RAD51D: variants seen among roughly 807,000 people sequenced by gnomAD.
RAD51D encodes DNA repair protein RAD51 homolog 4.
Under a neutral mutation model 44.1 loss-of-function variants are expected in RAD51D, and 38 were observed. The observed-to-expected ratio is 0.86, with a 90% CI of 0.67 to 1.13. The LOEUF is 1.13. Ranked by LOEUF, RAD51D falls within the 50% of genes most tolerant of loss-of-function variation. The pLI is 0.00. For synonymous variants in RAD51D, 141 were observed against 166.6 expected, an observed-to-expected ratio of 0.85 and a Z score of 1.18; for missense variants, 390 against 414.0, an observed-to-expected ratio of 0.94 and a Z score of 0.50.
chr17:35,119,694 C>G lies in RAD51D; in HGVS notation c.-81G>C. On this transcript the variant is annotated 5_prime_UTR_variant, in exon 1 of 10. Transcript: ENST00000345365. ...GGGGGGTCCTCTCCAGACGCCCCTC[C>G]CCTACCCCTTCCTAGAGAGGACACA... 2.1e-6 allele frequency: 3 copies of G among 1,408,166 alleles called. No individual in the cohort carries two copies. Among genetic ancestry groups the G allele is most frequent in the Non-Finnish European group, 3.0e-6 (3 of 1,006,372 alleles). The allele number at this position is 1,408,166 out of a possible 1,614,324, so 87.2% of individuals were successfully genotyped here.
rs75663205 is a variant in RAD51D at position 35,099,239 on chromosome 17, C to T, written c.*1714G>A. ...CTACATAATGGGAACAGGGCAGAGA[C>T]GGCAACCAGACTCCACCTTGAATAC... On this transcript the variant is annotated 3_prime_UTR_variant, in exon 10 of 10. Coordinates refer to ENST00000345365, the MANE Select transcript of RAD51D (RefSeq NM_002878.4). The T allele has an allele frequency of 0.024, 3,905 of 160,968 alleles. 170 individuals carry two copies. Among genetic ancestry groups the T allele is most frequent in the African/African-American group, 0.085 (3,536 of 41,560 alleles). 10.0% of individuals were successfully genotyped at this position (160,968 alleles called of 1,614,324 possible).
In RAD51D at chr17:35,116,790, G is replaced by A. The variant is rs571826259; in HGVS notation, c.263+1711C>T. ...ATCACAGGCGTGAGCCACTGCGCCC[G>A]GCCTAGAATGATGATTTAAACAGTA... On this transcript the variant is annotated intron_variant, in intron 3 of 9. Transcript: ENST00000345365. 372 of 1,270,600 alleles carry A rather than the reference G, an allele frequency of 2.9e-4. 3 individuals are homozygous for A. The highest frequency in any genetic ancestry group is 9.1e-4 in the East Asian group (36 of 39,570). The allele number at this position is 1,270,600 out of a possible 1,614,324, so 78.7% of individuals were successfully genotyped here.
chr17:35,109,898 C>T (rs1207484526), intron 3 of RAD51D, among the ~76,000 whole-genome samples: 1 of 150,384 alleles, frequency 6.6e-6, no homozygotes, highest in Non-Finnish European at 1.5e-5. Flanking sequence ...AACTCCCGAC[C>T]TCAGGTGATC....
intron 8 of RAD51D, among the ~76,000 whole-genome samples, chr17:35,102,127 C>A (rs2091546227): frequency 6.6e-6 from 1 of 151,982 alleles, no homozygotes; most frequent in African/African-American, 2.4e-5. Flanking sequence ...TCTAAAAAAT[C>A]TATTTTAAAA....
chr17:35,119,345 G>A, intron 1 of RAD51D, 173 bp from the exon 2 acceptor site: 1 of 893,632 alleles, frequency 1.1e-6, no homozygotes, highest in East Asian at 2.6e-5. Context: ...CACACAGTAG[G>A]AATCTCTACC....
At chr17:35,113,380 T>A (rs2091700539) in intron 3 of RAD51D, among the ~76,000 whole-genome samples, 1 of 152,214 alleles carries the variant, frequency 6.6e-6, no homozygotes, top group African/African-American at 2.4e-5. Flanking sequence ...ACAATTCTCC[T>A]GCCTCAGCCT....
In RAD51D at chr17:35,095,320, TA is replaced by T. The variant is rs1454077855; in HGVS notation, c.*5632del. On this transcript the variant is annotated 3_prime_UTR_variant, in exon 10 of 10. Transcript: ENST00000345365. ...CAACATGGTGAAACCCCATCTCTAC[TA>T]AAAATACAAAAAGAGCCGGGGATGG... 6.6e-6 allele frequency: 1 copy of T among 151,810 alleles called. No individual in the cohort carries two copies. Among genetic ancestry groups the T allele is most frequent in the Non-Finnish European group, 1.5e-5 (1 of 67,976 alleles). 9.4% of individuals were successfully genotyped at this position (151,810 alleles called of 1,614,324 possible).
chr17:35,100,833 G>A lies in RAD51D; in HGVS notation c.*120C>T, dbSNP rs752402824. On this transcript the variant is annotated 3_prime_UTR_variant, in exon 10 of 10. Transcript: ENST00000345365. ...CCAAGGAACCCAAGATGTCTCTTCT[G>A]GCCAGCCTGAGAACGTCTGTAGTCA... 1.2e-6 allele frequency: 1 copy of A among 844,438 alleles called. No individual in the cohort carries two copies. The highest frequency in any genetic ancestry group is 2.0e-6 in the Non-Finnish European group (1 of 493,472). 52.3% of individuals were successfully genotyped at this position (844,438 alleles called of 1,614,324 possible).
intron 3 of RAD51D, chr17:35,115,222 T>G: frequency 1.9e-6 from 1 of 513,000 alleles, no homozygotes; most frequent in Middle Eastern, 3.2e-4. Flanking sequence ...TGCCTTTCCC[T>G]CTGAACTGCC....
intron 2 of RAD51D, among the ~76,000 whole-genome samples, chr17:35,118,887 C>T (rs989786010): frequency 3.3e-5 from 5 of 152,158 alleles, no homozygotes; most frequent in African/African-American, 1.2e-4. Context: ...GGATTGTAGG[C>T]GTGGGCCACC....
In RAD51D at chr17:35,095,586, T is replaced by TC. The variant is rs1340755865; in HGVS notation, c.*5366dup. On this transcript the variant is annotated 3_prime_UTR_variant, in exon 10 of 10. Coordinates refer to ENST00000345365, the MANE Select transcript of RAD51D (RefSeq NM_002878.4). ...AGGCAGATCATCTGAGGTCAGGAGTTCGAGACCAGCCATGGCCAACATGAT... is the reference window on the plus strand; with the variant it reads ...AGGCAGATCATCTGAGGTCAGGAGTTCCGAGACCAGCCATGGCCAACATGAT... 6.6e-6 allele frequency: 1 copy of TC among 152,080 alleles called. No homozygotes were observed. Among genetic ancestry groups the TC allele is most frequent in the African/African-American group, 2.4e-5 (1 of 41,360 alleles). The allele number at this position is 152,080 out of a possible 1,614,324, so 9.4% of individuals were successfully genotyped here. A position where few individuals can be genotyped will look rare whatever the true frequency, so the allele number is the denominator to read the frequency against.
intron 6 of RAD51D, 58 bp downstream of exon 6, chr17:35,106,328 A>C: frequency 7.0e-7 from 1 of 1,429,258 alleles, no homozygotes; most frequent in Non-Finnish European, 9.9e-7. Context: ...ACACCTGCCC[A>C]CAGAGATAGC....
At chr17:35,105,402 C>T (rs2091588112) in intron 6 of RAD51D, among the ~76,000 whole-genome samples, 1 of 152,132 alleles carries the variant, frequency 6.6e-6, no homozygotes. Flanking sequence ...GCAATCCTCC[C>T]GTCTCAGCCT....
In RAD51D at chr17:35,093,393, A is replaced by G. The variant is rs1022565939; in HGVS notation, c.*7560T>C. 3.9e-5 allele frequency: 6 copies of G among 152,194 alleles called. No individual in the cohort carries two copies. The highest frequency in any genetic ancestry group is 8.8e-5 in the Non-Finnish European group (6 of 68,040). The allele number at this position is 152,194 out of a possible 1,614,324, so 9.4% of individuals were successfully genotyped here. A position where few individuals can be genotyped will look rare whatever the true frequency, so the allele number is the denominator to read the frequency against. On this transcript the variant is annotated 3_prime_UTR_variant, in exon 10 of 10. Transcript: ENST00000345365. The stretch of plus-strand genomic sequence containing the variant: ...GTCAGCACAGGCCCATTGTTTTCCT[A>G]CAAAACTCAAACTTAAGCTGAGGCT...
intron 3 of RAD51D, among the ~76,000 whole-genome samples, chr17:35,108,393 C>T (rs930066068): frequency 2.6e-5 from 4 of 150,990 alleles, no homozygotes; most frequent in Non-Finnish European, 5.9e-5. Flanking sequence ...TTGTACTAGC[C>T]AGGGGCCTGT....
intron 4 of RAD51D, 51 bp from the exon 5 acceptor site, chr17:35,107,173 G>C (rs377263299): frequency 1.2e-6 from 2 of 1,608,232 alleles, no homozygotes; most frequent in Non-Finnish European, 1.7e-6. Context: ...GGGTCCAGAT[G>C]GGAGCTCCCC....
Position 35,101,347 on chromosome 17 carries a change from G to T in RAD51D, c.757C>A (p.Arg253=), listed in dbSNP as rs137886232. 1.6e-5 allele frequency: 26 copies of T among 1,613,780 alleles called. No individual in the cohort carries two copies. The highest frequency in any genetic ancestry group is 2.2e-5 in the Non-Finnish European group (26 of 1,180,040). Residue 253 remains arginine, a synonymous_variant, in exon 9 of 10, where the codon CGA becomes AGA. Coordinates refer to ENST00000345365, the MANE Select transcript of RAD51D (RefSeq NM_002878.4). The part of the protein sequence containing the change: ...MAVVVTNHIT[R]DRDSGRLKPA... The stretch of plus-strand genomic sequence containing the variant: ...TTGAGCCTCCCGCTGTCCCTGTCTC[G>T]AGTTATGTGGTTGGTCACCTGCAGC...
chr17:35,100,415 A>G lies in RAD51D; in HGVS notation c.*538T>C. 1 of 534,482 alleles carries G rather than the reference A, an allele frequency of 1.9e-6. No individual in the cohort carries two copies. Among genetic ancestry groups the G allele is most frequent in the Non-Finnish European group, 3.6e-6 (1 of 276,470 alleles). The allele number at this position is 534,482 out of a possible 1,614,324, so 33.1% of individuals were successfully genotyped here. A position where few individuals can be genotyped will look rare whatever the true frequency, so the allele number is the denominator to read the frequency against. ...TTGCCTTTTTATATTTTTAAGAGCAAAACAGAGATGAAGAAGAGTATTTCA... is the reference window on the plus strand; with the variant it reads ...TTGCCTTTTTATATTTTTAAGAGCAGAACAGAGATGAAGAAGAGTATTTCA... On this transcript the variant is annotated 3_prime_UTR_variant, in exon 10 of 10. Coordinates refer to ENST00000345365, the MANE Select transcript of RAD51D (RefSeq NM_002878.4).
intron 3 of RAD51D, among the ~76,000 whole-genome samples, chr17:35,108,477 T>C (rs2091636702): frequency 1.1e-5 from 1 of 94,020 alleles, no homozygotes; most frequent in Non-Finnish European, 2.0e-5. Context: ...CCAGGCAACA[T>C]AGCAAGACCC....
Sources: allele counts gnomAD v4.1 joint callset (sites outside exome capture counted in the v4.1 genomes callset), GRCh38; gene constraint gnomAD v4.1.1; transcripts MANE v1.5; gene names NCBI Gene and HGNC (gene_info 2026-07-23, HGNC 2026-07-21).